Variants in FAM107B observed in about 807,000 individuals in gnomAD.
FAM107B encodes protein FAM107B.
A neutral mutation model predicts 31.5 loss-of-function variants in FAM107B; 21 were observed. The observed-to-expected ratio is 0.67, with a 90% CI of 0.47 to 0.96. FAM107B has a LOEUF of 0.96. FAM107B is among the 40% of genes least tolerant of loss of function. The pLI is 0.00. For synonymous variants in FAM107B, 157 were observed against 141.5 expected (o/e 1.11, Z -0.78); for missense variants, 452 against 377.1 (o/e 1.20, Z -1.64).
At chr10:14,564,643 T>C (rs905616964) in intron 2 of FAM107B, among the ~76,000 whole-genome samples, 5 of 152,182 alleles carry the variant, frequency 3.3e-5, no homozygotes, top group Non-Finnish European at 7.4e-5. Context: ...CCCACCCAAA[T>C]TGCACAAGTT....
rs140745966 is a variant in FAM107B at position 14,706,909 on chromosome 10, G to A, written c.412-39218C>T. On this transcript the variant is annotated intron_variant, in intron 1 of 4. Transcript: ENST00000181796. ...TGGGAGGCTGAGGCAGGCAGATCAC[G>A]AGGTCAGGAGATCGAGACCACCCTG... Among the ~76,000 whole-genome samples the A allele has an allele frequency of 3.7e-3, 560 of 152,248 alleles. 1 individual carries two copies. The highest frequency in any genetic ancestry group is 0.013 in the African/African-American group (533 of 41,548).
intron 2 of FAM107B, among the ~76,000 whole-genome samples, chr10:14,588,702 C>A (rs1588637804): frequency 6.6e-6 from 1 of 152,164 alleles, no homozygotes; most frequent in South Asian, 2.1e-4. Flanking sequence ...CTCCACTCCT[C>A]CCCACCCATC....
At chr10:14,541,796 A>T (rs1312543664) in intron 2 of FAM107B, among the ~76,000 whole-genome samples, 1 of 152,206 alleles carries the variant, frequency 6.6e-6, no homozygotes, top group Non-Finnish European at 1.5e-5. Flanking sequence ...ACAAAGTAGC[A>T]GTGGCCTCAC....
chr10:14,569,324 G>C (rs922958975), intron 2 of FAM107B, among the ~76,000 whole-genome samples: 1 of 152,108 alleles, frequency 6.6e-6, no homozygotes, highest in African/African-American at 2.4e-5. Flanking sequence ...AGGAAGATTC[G>C]AGTTATCCTA....
At chr10:14,733,397 A>G (rs2131562653) in intron 1 of FAM107B, among the ~76,000 whole-genome samples, 1 of 152,224 alleles carries the variant, frequency 6.6e-6, no homozygotes, top group African/African-American at 2.4e-5. Flanking sequence ...AAATGCCACC[A>G]AGTTTCATAC....
intron 2 of FAM107B, among the ~76,000 whole-genome samples, chr10:14,614,000 G>A (rs11259227): frequency 0.2 from 30,504 of 151,930 alleles, 3,512 homozygotes; most frequent in East Asian, 0.39. Flanking sequence ...GAGTGTTGGC[G>A]GGCGCCTGTA....
intron 2 of FAM107B, among the ~76,000 whole-genome samples, chr10:14,595,697 A>G (rs1477473166): frequency 6.6e-6 from 1 of 152,024 alleles, no homozygotes; most frequent in Non-Finnish European, 1.5e-5. Flanking sequence ...AATGGGAATA[A>G]AACAACACTA....
At chr10:14,717,356 T>C (rs1050882872) in intron 1 of FAM107B, among the ~76,000 whole-genome samples, 19 of 151,956 alleles carry the variant, frequency 1.3e-4, no homozygotes, top group African/African-American at 3.4e-4. Flanking sequence ...GCTCACAGGA[T>C]TGCAAGGTGA....
At chr10:14,756,220 G>C (rs1163934806) in intron 1 of FAM107B, among the ~76,000 whole-genome samples, 1 of 152,068 alleles carries the variant, frequency 6.6e-6, no homozygotes, top group Non-Finnish European at 1.5e-5. Context: ...GAATATTTCT[G>C]TGGCCCATTC....
chr10:14,522,473 GCA>G (rs1845764782), intron 3 of FAM107B, among the ~76,000 whole-genome samples: 2 of 151,732 alleles, frequency 1.3e-5, no homozygotes, highest in South Asian at 4.2e-4. Flanking sequence ...GAGTGCAGTG[GCA>G]GGCAATCTAG....
At position 14,554,562 on chromosome 10, in the gene FAM107B, G is replaced by C. The variant is rs116599051; in HGVS notation, c.470-24047C>G. ...TGGACTGGACCAGTTGAGACTTGGG[G>C]ATCTGGTACAAATGAGAGGGGCAGG... is the stretch of plus-strand genomic sequence containing the variant. On this transcript the variant is annotated intron_variant, in intron 2 of 4. Transcript: ENST00000181796. Among the ~76,000 whole-genome samples, 431 of 152,308 alleles carry C rather than the reference G, an allele frequency of 2.8e-3. 1 individual carries two copies. Among genetic ancestry groups the C allele is most frequent in the African/African-American group, 9.8e-3 (406 of 41,552 alleles).
At chr10:14,553,070 T>G (rs1214361718) in intron 2 of FAM107B, among the ~76,000 whole-genome samples, 1 of 152,204 alleles carries the variant, frequency 6.6e-6, no homozygotes, top group Non-Finnish European at 1.5e-5. Context: ...TGGGAAACAT[T>G]TAAACAGTTT....
At chr10:14,559,298 C>T (rs1465098434) in intron 2 of FAM107B, among the ~76,000 whole-genome samples, 4 of 152,172 alleles carry the variant, frequency 2.6e-5, no homozygotes, top group Admixed American at 2.6e-4. Context: ...CAGGACCAAG[C>T]GCGTGAGCCA....
At chr10:14,622,859 A>C (rs1247408144) in intron 2 of FAM107B, among the ~76,000 whole-genome samples, 1 of 152,194 alleles carries the variant, frequency 6.6e-6, no homozygotes, top group Non-Finnish European at 1.5e-5. Context: ...TTCTGATTGG[A>C]GTTCCCTGTA....
At chr10:14,589,944 C>A (rs1851962378) in intron 2 of FAM107B, among the ~76,000 whole-genome samples, 1 of 152,082 alleles carries the variant, frequency 6.6e-6, no homozygotes, top group African/African-American at 2.4e-5. Flanking sequence ...AAAATAAAAC[C>A]AATTACAGTC....
At chr10:14,708,560 G>A in intron 1 of FAM107B, among the ~76,000 whole-genome samples, 1 of 152,070 alleles carries the variant, frequency 6.6e-6, no homozygotes, top group South Asian at 2.1e-4. Flanking sequence ...GTGCAGCCAG[G>A]CCATATTTAC....
intron 1 of FAM107B, among the ~76,000 whole-genome samples, chr10:14,682,225 C>T (rs770656073): frequency 5.3e-5 from 8 of 152,118 alleles, no homozygotes; most frequent in Non-Finnish European, 1.0e-4. Context: ...TTAGGATGAA[C>T]ATAAAATGTC....
intron 2 of FAM107B, among the ~76,000 whole-genome samples, chr10:14,566,543 A>G: frequency 6.6e-6 from 1 of 152,196 alleles, no homozygotes; most frequent in Non-Finnish European, 1.5e-5. Flanking sequence ...CCTGGACAGC[A>G]GCCTGGTGAG....
intron 2 of FAM107B, among the ~76,000 whole-genome samples, chr10:14,627,891 G>T (rs1266193045): frequency 6.6e-6 from 1 of 152,122 alleles, no homozygotes; most frequent in Non-Finnish European, 1.5e-5. Flanking sequence ...GTCACAGGAC[G>T]TCATTTGCCT....
Sources: gnomAD v4.1 joint callset for allele counts (sites outside exome capture counted in the v4.1 genomes callset) on GRCh38, gnomAD v4.1.1 for gene constraint, MANE v1.5 for transcripts, NCBI Gene and HGNC (gene_info 2026-07-23, HGNC 2026-07-21) for gene names.